Variants in FHOD3 observed in about 807,000 individuals in gnomAD.
The protein encoded by FHOD3 is FH1/FH2 domain-containing protein 3.
Under a neutral mutation model 173.0 loss-of-function variants are expected in FHOD3, and 90 were observed. The ratio of observed to expected loss-of-function variants is 0.52; its 90% CI spans 0.44 to 0.62. The LOEUF is 0.62. Among genes scored for constraint, FHOD3 ranks in the 20% least tolerant of loss-of-function variants. The pLI is 0.00. For missense variants in FHOD3, 1,945 were observed against 2,034.7 expected, an observed-to-expected ratio of 0.96 and a Z score of 0.85; for synonymous variants, 828 against 823.0, an observed-to-expected ratio of 1.01 and a Z score of -0.10.
At chr18:36,433,370 C>A (rs1487293978) in intron 3 of FHOD3, among the ~76,000 whole-genome samples, 1 of 152,184 alleles carries the variant, frequency 6.6e-6, no homozygotes, top group Non-Finnish European at 1.5e-5. Flanking sequence ...CCTTACAGAG[C>A]TTAAATTCCT....
intron 3 of FHOD3, among the ~76,000 whole-genome samples, chr18:36,421,949 T>A (rs568631293): frequency 6.6e-6 from 1 of 152,390 alleles, no homozygotes; most frequent in South Asian, 2.1e-4. Context: ...GTGGCAATGA[T>A]GTTTCAACAA....
chr18:36,512,664 G>A lies in FHOD3; in HGVS notation c.511+121G>A, dbSNP rs1013516633. 664 of 685,998 alleles carry A rather than the reference G, an allele frequency of 9.7e-4. 1 individual carries two copies. Among genetic ancestry groups the A allele is most frequent in the Middle Eastern group, 2.6e-3 (7 of 2,678 alleles). The allele number at this position is 685,998 out of a possible 1,614,324, so 42.5% of individuals were successfully genotyped here. ...TTCGATTTGAGAGTAAGGTGGTAAA[G>A]ACACCCTTTGGCAAAAAAACATCTG... is the stretch of plus-strand genomic sequence containing the variant. On this transcript the variant is annotated intron_variant, in intron 5 of 28. Transcript: ENST00000590592.
At chr18:36,764,272 A>T (rs1281980602) in intron 27 of FHOD3, among the ~76,000 whole-genome samples, 3 of 152,128 alleles carry the variant, frequency 2.0e-5, no homozygotes, top group African/African-American at 7.2e-5. Context: ...AACAATAGAG[A>T]CTGTCAGTGT....
chr18:36,741,842 G>T (rs1167679917), intron 21 of FHOD3, among the ~76,000 whole-genome samples: 1 of 152,174 alleles, frequency 6.6e-6, no homozygotes, highest in Admixed American at 6.5e-5. Flanking sequence ...GCAAGGTCCT[G>T]TACTGAGGGC....
Position 36,512,444 on chromosome 18 carries a change from A to G in FHOD3, c.412A>G (p.Lys138Glu). 1.9e-6 allele frequency: 3 copies of G among 1,613,632 alleles called. No individual in the cohort carries two copies. The highest frequency in any genetic ancestry group is 2.5e-6 in the Non-Finnish European group (3 of 1,179,670). ...FSLKQIFQDD[K>E]DLVHEFVVAE... ...TTGTTTTCTTTCCTGCCAGGATGAC[A>G]AGGATTTGGTGCATGAATTTGTAGT... is the stretch of plus-strand genomic sequence containing the variant. Residue 138 changes from lysine to glutamate, a missense_variant, in exon 5 of 29, where the codon AAG becomes GAG. Transcript: ENST00000590592.
intron 3 of FHOD3, among the ~76,000 whole-genome samples, chr18:36,461,441 G>GTTT (rs147549416): frequency 0.019 from 2,788 of 146,120 alleles, 96 homozygotes; most frequent in African/African-American, 0.068. Flanking sequence ...AGCTCAGTCT[G>GTTT]TTTTTTTTTG....
chr18:36,403,984 G>T (rs1347942820), intron 3 of FHOD3, among the ~76,000 whole-genome samples: 1 of 152,158 alleles, frequency 6.6e-6, no homozygotes, highest in Non-Finnish European at 1.5e-5. Context: ...TTCCTTGTGG[G>T]ATCATATTTC....
At chr18:36,530,411 A>G (rs1466525615) in intron 5 of FHOD3, among the ~76,000 whole-genome samples, 2 of 152,182 alleles carry the variant, frequency 1.3e-5, no homozygotes, top group Non-Finnish European at 2.9e-5. Context: ...GGGCAGGGGC[A>G]TCATCTATTA....
intron 13 of FHOD3, among the ~76,000 whole-genome samples, chr18:36,656,926 G>GA (rs2036467261): frequency 6.6e-6 from 1 of 151,946 alleles, no homozygotes; most frequent in African/African-American, 2.4e-5. Flanking sequence ...GAAAGAAAAA[G>GA]AAAAAAGATA....
chr18:36,387,253 GA>G (rs969184703), intron 3 of FHOD3, among the ~76,000 whole-genome samples: 4 of 152,126 alleles, frequency 2.6e-5, no homozygotes, highest in African/African-American at 9.7e-5. Flanking sequence ...CAGGTTGCTA[GA>G]TTTGGGACAT....
intron 3 of FHOD3, among the ~76,000 whole-genome samples, chr18:36,424,961 C>T (rs543698262): frequency 2.0e-5 from 3 of 152,288 alleles, no homozygotes; most frequent in African/African-American, 7.2e-5. Context: ...TAACTCTTAT[C>T]TGACTTCATA....
chr18:36,371,508 T>C (rs1380303151), intron 2 of FHOD3, among the ~76,000 whole-genome samples: 2 of 152,174 alleles, frequency 1.3e-5, no homozygotes, highest in Non-Finnish European at 2.9e-5. Flanking sequence ...AATGCCCCTG[T>C]GATTCAGTTA....
At chr18:36,609,354 A>G (rs1301358223) in intron 8 of FHOD3, among the ~76,000 whole-genome samples, 5 of 42,672 alleles carry the variant, frequency 1.2e-4, no homozygotes, top group African/African-American at 4.5e-4. Context: ...CTATTAGAGA[A>G]TCAGCCAAAA....
intron 1 of FHOD3, among the ~76,000 whole-genome samples, chr18:36,312,902 G>A (rs2092291313): frequency 6.6e-6 from 1 of 152,172 alleles, no homozygotes; most frequent in Non-Finnish European, 1.5e-5. Context: ...TCCTTGGGTG[G>A]TTCTGGCTCA....
chr18:36,736,133 A>G (rs2041618402), intron 20 of FHOD3, among the ~76,000 whole-genome samples: 1 of 152,204 alleles, frequency 6.6e-6, no homozygotes, highest in Admixed American at 6.5e-5. Context: ...GGGAGCACAC[A>G]GGTGAGTGAG....
chr18:36,423,249 T>G (rs150672325), intron 3 of FHOD3, among the ~76,000 whole-genome samples: 19 of 152,358 alleles, frequency 1.2e-4, no homozygotes, highest in Non-Finnish European at 2.4e-4. Flanking sequence ...GCTATAATTT[T>G]TATGATTTAA....
At chr18:36,504,215 C>A (rs2055180951) in intron 4 of FHOD3, among the ~76,000 whole-genome samples, 1 of 152,184 alleles carries the variant, frequency 6.6e-6, no homozygotes, top group African/African-American at 2.4e-5. Flanking sequence ...TCTACCACGC[C>A]TGGCCTGGAC....
At chr18:36,681,293 G>C in intron 14 of FHOD3, 143 bp from the exon 15 acceptor site, 1 of 924,416 alleles carries the variant, frequency 1.1e-6, no homozygotes, top group South Asian at 2.1e-5. Context: ...GAAACAAGAA[G>C]ACCCGAGGCA....
At chr18:36,675,427 G>T (rs377277269) in intron 14 of FHOD3, among the ~76,000 whole-genome samples, 34 of 151,978 alleles carry the variant, frequency 2.2e-4, no homozygotes, top group African/African-American at 8.2e-4. Context: ...GCCACCAAGG[G>T]CCTCCCCACC....
Sources: gnomAD v4.1 joint callset for allele counts (sites outside exome capture counted in the v4.1 genomes callset) on GRCh38, gnomAD v4.1.1 for gene constraint, MANE v1.5 for transcripts, NCBI Gene and HGNC (gene_info 2026-07-23, HGNC 2026-07-21) for gene names.